The following LRRC49 variants were observed in gnomAD, a reference collection of about 807,000 sequenced individuals.
LRRC49 encodes leucine rich repeat containing 49, also known as leucine-rich repeat-containing protein 49.
In LRRC49, 50 loss-of-function variants were observed where a neutral mutation model predicts 83.3. The ratio of observed to expected loss-of-function variants is 0.60; its 90% confidence interval spans 0.48 to 0.76. The LOEUF is 0.76. Ranked by LOEUF, LRRC49 falls within the 30% of genes least tolerant of loss-of-function variation. The pLI is 0.00. For missense variants in LRRC49, 704 were observed against 809.1 expected (o/e 0.87, Z 1.58); for synonymous variants, 286 against 283.3 (o/e 1.01, Z -0.10).
At chr15:70,914,870 G>A (rs1180480407) in intron 6 of LRRC49, among the ~76,000 whole-genome samples, 4 of 152,162 alleles carry the variant, frequency 2.6e-5, no homozygotes, top group Non-Finnish European at 5.9e-5. Context: ...AGGTAGGAAG[G>A]TTATCTTTAT....
intron 8 of LRRC49, among the ~76,000 whole-genome samples, chr15:70,949,685 C>A (rs1567065924): frequency 6.6e-6 from 1 of 152,296 alleles, no homozygotes; most frequent in East Asian, 1.9e-4. Flanking sequence ...AGATTTCTTA[C>A]AATACCTATC....
chr15:71,003,006 C>T (rs1022762897), intron 11 of LRRC49, among the ~76,000 whole-genome samples: 14 of 118,742 alleles, frequency 1.2e-4, no homozygotes, highest in Non-Finnish European at 1.8e-4. Context: ...GGTGCAATCT[C>T]AGCCCACCGC....
chr15:70,984,392 G>A, intron 11 of LRRC49, 135 bp downstream of exon 11: 6 of 710,346 alleles, frequency 8.4e-6, no homozygotes, highest in Admixed American at 6.6e-5. Context: ...AAATTAAGAT[G>A]GAAAAGTTGA....
At chr15:70,873,077 G>T (rs1312211484) in exon 2 of LRRC49, 10 of 716,118 alleles carry the variant, frequency 1.4e-5, no homozygotes, top group Admixed American at 6.2e-5. Flanking sequence ...TAGAGGCGGG[G>T]TTTCACCATC....
At chr15:70,878,582 G>A (rs542499461) in intron 2 of LRRC49, among the ~76,000 whole-genome samples, 77 of 152,284 alleles carry the variant, frequency 5.1e-4, no homozygotes, top group African/African-American at 1.9e-3. Context: ...GGATTTAGTG[G>A]CATACATTCA....
At chr15:70,889,049 T>C (rs985677187), upstream of LRRC49, among the ~76,000 whole-genome samples, 2 of 152,186 alleles carry the variant, frequency 1.3e-5, no homozygotes, top group Non-Finnish European at 2.9e-5. Context: ...TATTATCTAC[T>C]GAAGTTTAAT....
intron 15 of LRRC49, among the ~76,000 whole-genome samples, chr15:71,040,895 A>G (rs2039682647): frequency 6.6e-6 from 1 of 151,710 alleles, no homozygotes; most frequent in Admixed American, 6.6e-5. Context: ...ATAAGTCACC[A>G]TGTTTTGAGA....
intron 1 of LRRC49, chr15:70,859,987 C>T: frequency 1.3e-6 from 1 of 757,248 alleles, no homozygotes; most frequent in South Asian, 1.4e-5. Context: ...GTCTGAGCTC[C>T]ACCTATGGGG....
chr15:70,996,445 C>T (rs929654798), intron 11 of LRRC49, among the ~76,000 whole-genome samples: 13 of 152,086 alleles, frequency 8.5e-5, no homozygotes, highest in African/African-American at 1.7e-4. Flanking sequence ...CAGCATTTGA[C>T]GTAGTTGAAA....
At chr15:70,938,194 A>G (rs1310574507) in intron 8 of LRRC49, among the ~76,000 whole-genome samples, 1 of 152,092 alleles carries the variant, frequency 6.6e-6, no homozygotes, top group Non-Finnish European at 1.5e-5. Flanking sequence ...CTGAATTTCT[A>G]AACTCCTAAA....
At chr15:71,030,741 G>A (rs1447869015) in intron 14 of LRRC49, among the ~76,000 whole-genome samples, 2 of 151,294 alleles carry the variant, frequency 1.3e-5, no homozygotes, top group African/African-American at 4.9e-5. Context: ...CTCTAATCTT[G>A]TCTTCATGCC....
chr15:71,043,622 T>C (rs1157565288), intron 15 of LRRC49, among the ~76,000 whole-genome samples: 2 of 152,206 alleles, frequency 1.3e-5, no homozygotes, highest in African/African-American at 2.4e-5. Context: ...TGTAAGGAGA[T>C]GCAGAATAGT....
chr15:70,904,971 A>G (rs1381846942), intron 5 of LRRC49, among the ~76,000 whole-genome samples: 3 of 152,216 alleles, frequency 2.0e-5, no homozygotes, highest in Non-Finnish European at 4.4e-5. Flanking sequence ...TATGTATTTT[A>G]CTTCCATTGC....
chr15:70,995,419 T>TCA (rs200971228), intron 11 of LRRC49, among the ~76,000 whole-genome samples: 1,625 of 152,274 alleles, frequency 0.011, 12 homozygotes, highest in Non-Finnish European at 0.019. Flanking sequence ...GAAGCCATTG[T>TCA]TGTGGTTATC....
rs568978562 is a variant in LRRC49 at position 70,968,015 on chromosome 15, T to A, written c.921+4083T>A. Among the ~76,000 whole-genome samples, 4 of 152,194 alleles carry A rather than the reference T, an allele frequency of 2.6e-5. No individual in the cohort carries two copies. In the South Asian group the frequency reaches 8.3e-4, roughly 32 times the overall value. ...TGTTTATTTTTGATTATACTTTAAG[T>A]TCTGGGATACATGTGCAGAATGTGC... is the stretch of plus-strand genomic sequence containing the variant. On this transcript the variant is annotated intron_variant, in intron 9 of 15. Coordinates refer to ENST00000260382, the MANE Select transcript of LRRC49 (RefSeq NM_017691.5).
chr15:71,012,982 A>G (rs766407461), intron 14 of LRRC49, 69 bp downstream of exon 14: 52 of 938,608 alleles, frequency 5.5e-5, no homozygotes, highest in Admixed American at 8.0e-5. Context: ...AATTCCACAT[A>G]CCTCCTAACT....
chr15:71,040,371 A>G (rs2039661726), intron 15 of LRRC49, among the ~76,000 whole-genome samples: 1 of 152,144 alleles, frequency 6.6e-6, no homozygotes, highest in South Asian at 2.1e-4. Context: ...CCATGGGTGT[A>G]GGTAAAACCT....
intron 9 of LRRC49, 113 bp downstream of exon 9, chr15:70,964,045 T>C (rs2036706279): frequency 9.7e-7 from 1 of 1,036,052 alleles, no homozygotes; most frequent in Non-Finnish European, 1.4e-6. Context: ...CTATGGGTTA[T>C]CATGATTGTA....
intron 7 of LRRC49, among the ~76,000 whole-genome samples, chr15:70,934,686 A>G (rs2035537087): frequency 6.6e-6 from 1 of 152,212 alleles, no homozygotes; most frequent in Admixed American, 6.5e-5. Context: ...ATGTCTTAGA[A>G]GGTGTTTATA....
Sources: gnomAD v4.1 joint callset for allele counts (sites outside exome capture counted in the v4.1 genomes callset) on GRCh38, gnomAD v4.1.1 for gene constraint, MANE v1.5 for transcripts, NCBI Gene and HGNC (gene_info 2026-07-23, HGNC 2026-07-21) for gene names.